Variants in HNRNPA2B1 observed in about 807,000 individuals in gnomAD.
The protein encoded by HNRNPA2B1 is heterogeneous nuclear ribonucleoproteins A2/B1.
HNRNPA2B1 carries 3 observed loss-of-function variants against 46.3 expected under a neutral mutation model. That is an observed-to-expected ratio of 0.06 (90% CI 0.03 to 0.17). The LOEUF (loss-of-function observed/expected upper bound fraction) is 0.17, where lower values mean the gene tolerates loss of function less well. HNRNPA2B1 is among the 10% of genes least tolerant of loss of function. The probability of loss-of-function intolerance (pLI) is 1.00; values close to 1 mark genes in which losing one functional copy is unlikely to be tolerated. For missense variants in HNRNPA2B1, 221 were observed against 418.9 expected (o/e 0.53, Z 4.12); for synonymous variants, 225 against 133.8 (o/e 1.68, Z -4.70).
rs906572321 is a variant in HNRNPA2B1, at chr7:26,189,980, G to A, written c.*2380C>T. On this transcript the variant is annotated 3_prime_UTR_variant, in exon 11 of 11. Transcript: ENST00000618183. Reference sequence around the variant, plus strand: ...GGGGACAGCCAATAATGTCCACAATGCTCTTCTCATTTACCTGTTAATATT... The same window carrying A: ...GGGGACAGCCAATAATGTCCACAATACTCTTCTCATTTACCTGTTAATATT... 6.6e-6 allele frequency: 1 copy of A among 152,152 alleles called. No homozygotes were observed. Among genetic ancestry groups the A allele is most frequent in the Non-Finnish European group, 1.5e-5 (1 of 68,004 alleles). The allele number at this position is 152,152 out of a possible 1,614,324, so 9.4% of individuals were successfully genotyped here.
In HNRNPA2B1 at chr7:26,194,837, G is replaced by C. The variant is rs933879706; in HGVS notation, c.721+1010C>G. Among the ~76,000 whole-genome samples the C allele has an allele frequency of 2.6e-5, 4 of 151,382 alleles. No homozygotes were observed. The South Asian group carries it at 8.3e-4, about 32-fold the overall frequency. On this transcript the variant is annotated intron_variant, in intron 7 of 10. Coordinates refer to ENST00000618183, the MANE Select transcript of HNRNPA2B1 (RefSeq NM_002137.4). ...AGGCTGGGCATGGTTGCTCACGCCT[G>C]TAACCCCAGCGTTTTTGGGAGGCCA...
In HNRNPA2B1 at chr7:26,195,715, G is replaced by A. The variant is rs936406043; in HGVS notation, c.721+132C>T. The A allele has an allele frequency of 2.2e-5, 21 of 937,730 alleles. No individual in the cohort carries two copies. The African/African-American group carries it at 2.6e-4, about 11-fold the overall frequency. 58.1% of individuals were successfully genotyped at this position (937,730 alleles called of 1,614,324 possible). A position where few individuals can be genotyped will look rare whatever the true frequency, so the allele number is the denominator to read the frequency against. Reference sequence around the variant, plus strand: ...TGGCAAAACTACTTAGAAATAACTGGACCACTATCACCCAAGCCATTTATA... The same window carrying A: ...TGGCAAAACTACTTAGAAATAACTGAACCACTATCACCCAAGCCATTTATA... On this transcript the variant is annotated intron_variant, in intron 7 of 10. Coordinates refer to ENST00000618183, the MANE Select transcript of HNRNPA2B1 (RefSeq NM_002137.4).
chr7:26,195,481 T>A (rs958447728), intron 7 of HNRNPA2B1, among the ~76,000 whole-genome samples: 1 of 151,950 alleles, frequency 6.6e-6, no homozygotes, highest in African/African-American at 2.4e-5. Flanking sequence ...AGTTACGGGT[T>A]TAGACATATT....
In HNRNPA2B1 at chr7:26,193,691, C is replaced by A. The variant is rs2128110791; in HGVS notation, c.725G>T (p.Gly242Val). Residue 242 changes from glycine (G) to valine (V), a missense_variant, in exon 8 of 11, where the codon GGC becomes GTC. Physicochemically the swap from Gly to Val is moderately radical, Grantham distance 109 (BLOSUM62 -3). Coordinates refer to ENST00000618183, the MANE Select transcript of HNRNPA2B1 (RefSeq NM_002137.4). ...ATAACCGGGGCTACCTCCAAAATTG[C>A]CACCTATTATAAAATAAGCCTTTAA... is the stretch of plus-strand genomic sequence containing the variant. ...YNGYGGGPGGGNFGGSPGYGG... is the reference protein window; with the variant it reads ...YNGYGGGPGGVNFGGSPGYGG... 6.2e-7 allele frequency: 1 copy of A among 1,611,290 alleles called. No homozygotes were observed. Among genetic ancestry groups the A allele is most frequent in the Non-Finnish European group, 8.5e-7 (1 of 1,178,424 alleles).
Position 26,192,283 on chromosome 7 carries a change from C to A in HNRNPA2B1, c.*77G>T. ...TCCTTAACATTGTTATTTCGATAAC[C>A]TGAAGCTGTTCTGTTACCTCTGGGC... is the stretch of plus-strand genomic sequence containing the variant. On this transcript the variant is annotated 3_prime_UTR_variant, in exon 11 of 11. Coordinates refer to ENST00000618183, the MANE Select transcript of HNRNPA2B1 (RefSeq NM_002137.4). The A allele has an allele frequency of 2.0e-6, 1 of 511,574 alleles. No homozygotes were observed. The highest frequency in any genetic ancestry group is 3.5e-6 in the Non-Finnish European group (1 of 286,560). 31.7% of individuals were successfully genotyped at this position (511,574 alleles called of 1,614,324 possible).
At chr7:26,198,165 T>G (rs544848533) in intron 1 of HNRNPA2B1, 15 of 264,854 alleles carry the variant, frequency 5.7e-5, no homozygotes, top group Non-Finnish European at 9.7e-5. Context: ...AGAAAATAAC[T>G]CTTGGTTCAT....
intron 9 of HNRNPA2B1, among the ~76,000 whole-genome samples, 156 bp downstream of exon 9, chr7:26,193,095 G>A (rs1783096826): frequency 1.3e-5 from 2 of 152,088 alleles, no homozygotes; most frequent in South Asian, 4.1e-4. Flanking sequence ...GAGTACTTCT[G>A]TGGAGATTTA....
intron 3 of HNRNPA2B1, 57 bp from the exon 4 acceptor site, chr7:26,197,074 A>G: frequency 1.4e-6 from 2 of 1,387,050 alleles, no homozygotes; most frequent in South Asian, 2.4e-5. Flanking sequence ...AGCATAATTC[A>G]AAGCACCCAA....
At position 26,192,739 on chromosome 7, in the gene HNRNPA2B1, C is replaced by T. The variant is rs117382488; in HGVS notation, c.965-162G>A. On this transcript the variant is annotated intron_variant, in intron 9 of 10. Transcript: ENST00000618183. ...AGAATTACTCAGGAGATAAATTACT[C>T]GGGTTCATAGACATTTTTATTTCGT... Among the ~76,000 whole-genome samples, 39 of 152,294 alleles carry T rather than the reference C, an allele frequency of 2.6e-4. No homozygotes were observed. In the East Asian group the frequency reaches 7.1e-3, roughly 28 times the overall value.
intron 6 of HNRNPA2B1, among the ~76,000 whole-genome samples, 153 bp from the exon 7 acceptor site, chr7:26,196,062 G>A (rs563908688): frequency 1.3e-5 from 2 of 152,292 alleles, no homozygotes; most frequent in South Asian, 4.1e-4. Context: ...AAACATGAAA[G>A]CATATAATTA....
At position 26,196,409 on chromosome 7, in the gene HNRNPA2B1, C is replaced by T; in HGVS notation, c.650G>A (p.Gly217Glu). The T allele has an allele frequency of 6.2e-7, 1 of 1,613,370 alleles. No homozygotes were observed. The highest frequency in any genetic ancestry group is 8.5e-7 in the Non-Finnish European group (1 of 1,179,304). ...TAGAACTTGAAACTCACCAGATCCT[C>T]CTCTAAAGTTACTTCCTGGTCCTGG... ...FGPGPGSNFRGGSDGYGSGRG... is the reference protein window; with the variant it reads ...FGPGPGSNFREGSDGYGSGRG... Residue 217 changes from glycine (G) to glutamate (E), a missense_variant, in exon 6 of 11, where the codon GGA becomes GAA. Transcript: ENST00000618183.
At chr7:26,198,643 A>C (rs1783962601) in intron 1 of HNRNPA2B1, 1 of 152,286 alleles carries the variant, frequency 6.6e-6, no homozygotes, top group Non-Finnish European at 1.5e-5. Flanking sequence ...CTCAGAGCTG[A>C]AATCTTTATA....
At chr7:26,195,797 T>A in intron 7 of HNRNPA2B1, 50 bp downstream of exon 7, 1 of 1,582,106 alleles carries the variant, frequency 6.3e-7, no homozygotes, top group Non-Finnish European at 8.6e-7. Context: ...ATATACGATA[T>A]AGTTAAGTAT....
In HNRNPA2B1 at chr7:26,196,680, C is replaced by T. The variant is rs779851983; in HGVS notation, c.476-22G>A. 5 of 1,594,500 alleles carry T rather than the reference C, an allele frequency of 3.1e-6. No homozygotes were observed. In the South Asian group the frequency reaches 3.3e-5, roughly 11 times the overall value. ...TGCACTGGAATGAAAAATTCAGACT[C>T]CTTTTAAATTAAATCAACAATATTA... On this transcript the variant is annotated intron_variant, in intron 4 of 10. Transcript: ENST00000618183.
chr7:26,199,581 T>C (rs1322983028), intron 1 of HNRNPA2B1: 1 of 152,158 alleles, frequency 6.6e-6, no homozygotes, highest in Non-Finnish European at 1.5e-5. Context: ...GCTCTACAAC[T>C]TAAACGGAAT....
intron 6 of HNRNPA2B1, among the ~76,000 whole-genome samples, chr7:26,196,128 C>A (rs1783592422): frequency 1.3e-5 from 2 of 152,166 alleles, no homozygotes; most frequent in South Asian, 4.1e-4. Context: ...AGATTCCATC[C>A]TATTTATACG....
chr7:26,193,211 A>C (rs1156757854), intron 9 of HNRNPA2B1, 40 bp downstream of exon 9: 12 of 1,590,684 alleles, frequency 7.5e-6, no homozygotes, highest in South Asian at 1.1e-5. Context: ...CTAATCCTTT[A>C]ATCACAAAAA....
intron 1 of HNRNPA2B1, chr7:26,197,995 T>C (rs1783842772): frequency 2.0e-6 from 1 of 509,326 alleles, no homozygotes; most frequent in Non-Finnish European, 3.4e-6. Flanking sequence ...TGATATAAAT[T>C]TACTCAACAT....
In HNRNPA2B1 at chr7:26,190,769, C is replaced by G. The variant is rs757798001; in HGVS notation, c.*1591G>C. 6.6e-6 allele frequency: 1 copy of G among 152,198 alleles called. No homozygotes were observed. The highest frequency in any genetic ancestry group is 1.5e-5 in the Non-Finnish European group (1 of 68,016). 9.4% of individuals were successfully genotyped at this position (152,198 alleles called of 1,614,324 possible). ...CATAATGCAGACAAGACACTTCACT[C>G]AAGTATGAACTACTATCTGAAAATA... On this transcript the variant is annotated 3_prime_UTR_variant, in exon 11 of 11. Transcript: ENST00000618183.
Sources: allele counts gnomAD v4.1 joint callset (sites outside exome capture counted in the v4.1 genomes callset), GRCh38; gene constraint gnomAD v4.1.1; transcripts MANE v1.5; gene names NCBI Gene and HGNC (gene_info 2026-07-23, HGNC 2026-07-21).